Variants in IVNS1ABP observed in about 807,000 individuals in gnomAD.
The protein encoded by IVNS1ABP is influenza virus NS1A-binding protein.
In IVNS1ABP, 25 loss-of-function variants were observed where a neutral mutation model predicts 78.9. The observed-to-expected ratio is 0.32, with a 90% CI of 0.23 to 0.44. The LOEUF is 0.44. Ranked by LOEUF, IVNS1ABP falls within the 20% of genes least tolerant of loss-of-function variation. The pLI, the probability that IVNS1ABP is intolerant of heterozygous loss-of-function variation, is 1.00. For missense variants in IVNS1ABP, 494 were observed against 768.9 expected (o/e 0.64, Z 4.23); for synonymous variants, 241 against 259.7 (o/e 0.93, Z 0.69).
In IVNS1ABP at chr1:185,300,515, A is replaced by AT; in HGVS notation, c.1163dup (p.Tyr388Ter). The change falls in exon 11 of 15, where the codon TAT (tyrosine) becomes TAAT (stop). Residue 388 changes from tyrosine to a stop codon, truncating the protein, a stop_gained and frameshift_variant. Transcript: ENST00000367498. LOFTEE classifies it high-confidence loss of function. ...AGGACCAGTGATCTGTATGTGGATTATAGCATTCGACTGTTCGAAGACATT... is the reference window on the plus strand; with the variant it reads ...AGGACCAGTGATCTGTATGTGGATTATTAGCATTCGACTGTTCGAAGACATT... ...REECLRTVECYNPHTDHWSFL... is the reference protein window; with the variant it reads ...REECLRTVEC The AT allele has an allele frequency of 6.2e-7, 1 of 1,613,542 alleles. No homozygotes were observed. Among genetic ancestry groups the AT allele is most frequent in the Non-Finnish European group, 8.5e-7 (1 of 1,179,572 alleles).
chr1:185,307,685 G>A, intron 5 of IVNS1ABP, 23 bp from the exon 6 acceptor site: 4 of 1,596,964 alleles, frequency 2.5e-6, no homozygotes, highest in Non-Finnish European at 3.4e-6. Context: ...ATATATGAGT[G>A]CCAACACTTA....
At chr1:185,316,420 C>T (rs1235398056) in intron 1 of IVNS1ABP, among the ~76,000 whole-genome samples, 1 of 152,204 alleles carries the variant, frequency 6.6e-6, no homozygotes, top group Non-Finnish European at 1.5e-5. Flanking sequence ...TCGGGGACTC[C>T]GTGCCACCCT....
intron 13 of IVNS1ABP, 42 bp downstream of exon 13, chr1:185,299,957 T>G (rs1430526244): frequency 6.2e-7 from 1 of 1,609,972 alleles, no homozygotes; most frequent in Non-Finnish European, 8.5e-7. Context: ...TACTGTTGAT[T>G]TGAAGGTCTT....
At chr1:185,301,679 G>GTGA in intron 8 of IVNS1ABP, 116 bp from the exon 9 acceptor site, 3 of 1,137,472 alleles carry the variant, frequency 2.6e-6, no homozygotes, top group Non-Finnish European at 3.8e-6. Flanking sequence ...ACATTTATAG[G>GTGA]ACACTAACTT....
In IVNS1ABP at chr1:185,309,000, T is replaced by C. The variant is rs757722459; in HGVS notation, c.281+3A>G. ...TTATATGGTTTACTTCAAATGTACT[T>C]ACTGAGCAGTGTAGGCATAATTCAA... On this transcript the variant is annotated splice_donor_region_variant and intron_variant, in intron 4 of 14. Coordinates refer to ENST00000367498, the MANE Select transcript of IVNS1ABP (RefSeq NM_006469.5). The C allele has an allele frequency of 2.5e-6, 4 of 1,604,504 alleles. No individual in the cohort carries two copies. The highest frequency in any genetic ancestry group is 1.7e-5 in the Admixed American group (1 of 58,456).
chr1:185,301,814 A>G, intron 8 of IVNS1ABP: 1 of 275,926 alleles, frequency 3.6e-6, no homozygotes. Flanking sequence ...TAACAATTTG[A>G]AAAACATGTT....
Position 185,298,895 on chromosome 1 carries a change from CAATT to C in IVNS1ABP, c.1676-611_1676-608del, listed in dbSNP as rs1321014311. ...TGGGCAACACAGTGAGACCATGTCTCAATTAAAAAAATAAAATGATTGTGGTACA... is the reference window on the plus strand; with the variant it reads ...TGGGCAACACAGTGAGACCATGTCTCAAAAAAATAAAATGATTGTGGTACA... On this transcript the variant is annotated intron_variant, in intron 14 of 14. Coordinates refer to ENST00000367498, the MANE Select transcript of IVNS1ABP (RefSeq NM_006469.5). This position sits in a 1 kb window ranked among gnomAD's most constrained non-coding sequence, Gnocchi z 4.1. The C allele has an allele frequency of 6.6e-6, 1 of 151,756 alleles. No individual in the cohort carries two copies. The highest frequency in any genetic ancestry group is 2.1e-4 in the South Asian group (1 of 4,820). The allele number at this position is 151,756 out of a possible 1,614,324, so 9.4% of individuals were successfully genotyped here. A position where few individuals can be genotyped will look rare whatever the true frequency, so the allele number is the denominator to read the frequency against.
Position 185,309,450 on chromosome 1 carries a change from A to G in IVNS1ABP, c.44T>C (p.Ile15Thr). ...GYLMFEDENF[I>T]ESSVAKLNAL... is the part of the protein sequence containing the mutation. ...ATTTAATTTGGCAACAGAAGACTCA[A>G]TAAAATTTTCATCCTCAAACATCAA... is the stretch of plus-strand genomic sequence containing the variant. The change falls in exon 3 of 15, where the codon ATT becomes ACT. Residue 15 changes from isoleucine (I) to threonine (T), a missense_variant. Physicochemically the swap from Ile to Thr is moderately conservative, Grantham distance 89. Transcript: ENST00000367498. 1 of 1,613,078 alleles carries G rather than the reference A, an allele frequency of 6.2e-7. No homozygotes were observed. Among genetic ancestry groups the G allele is most frequent in the Non-Finnish European group, 8.5e-7 (1 of 1,179,210 alleles).
Position 185,301,488 on chromosome 1 carries a change from T to C in IVNS1ABP, c.841A>G (p.Thr281Ala), listed in dbSNP as rs766717909. 4 of 1,613,304 alleles carry C rather than the reference T, an allele frequency of 2.5e-6. No homozygotes were observed. Among genetic ancestry groups the C allele is most frequent in the Middle Eastern group, 3.3e-4 (2 of 6,056 alleles). Residue 281 changes from threonine to alanine, a missense_variant, in exon 9 of 15, where the codon ACA becomes GCA. Thr to Ala is a moderately conservative substitution (Grantham distance 58). Transcript: ENST00000367498. The stretch of plus-strand genomic sequence containing the variant: ...CACTCATGCTTAGGGCTTTGTACTG[T>C]AGCATTTGGAGAAGAGAGACATCCA... The part of the protein sequence containing the change: ...STGCLSSPNA[T>A]VQSPKHEWKI...
intron 3 of IVNS1ABP, 95 bp from the exon 4 acceptor site, chr1:185,309,267 T>A: frequency 1.6e-6 from 2 of 1,223,570 alleles, no homozygotes; most frequent in Non-Finnish European, 1.1e-6. Context: ...CATTTCTCAG[T>A]ATTCTTTTAA....
rs745631479 is a variant in IVNS1ABP at position 185,301,416 on chromosome 1, C to A, written c.895+18G>T. 3 of 1,612,368 alleles carry A rather than the reference C, an allele frequency of 1.9e-6. No individual in the cohort carries two copies. In the South Asian group the frequency reaches 3.3e-5, roughly 18 times the overall value. Reference sequence around the variant, plus strand: ...AATAGGTAAGCTGAAAACAATCTGGCAAGTGTCATATACTTACTTGAAGTC... The same window carrying A: ...AATAGGTAAGCTGAAAACAATCTGGAAAGTGTCATATACTTACTTGAAGTC... On this transcript the variant is annotated intron_variant, in intron 9 of 14. Transcript: ENST00000367498.
In IVNS1ABP at chr1:185,307,666, G is replaced by T; in HGVS notation, c.358-4C>A. On this transcript the variant is annotated splice_region_variant and splice_polypyrimidine_tract_variant and intron_variant, in intron 5 of 14. Coordinates refer to ENST00000367498, the MANE Select transcript of IVNS1ABP (RefSeq NM_006469.5). ...ACAGTAAATAATCACCACAAACCTT[G>T]GAAAAGAAATATATGAGTGCCAACA... 1 of 1,610,108 alleles carries T rather than the reference G, an allele frequency of 6.2e-7. No individual in the cohort carries two copies. Among genetic ancestry groups the T allele is most frequent in the Non-Finnish European group, 8.5e-7 (1 of 1,177,992 alleles).
At chr1:185,311,948 C>G (rs1466006381) in intron 1 of IVNS1ABP, among the ~76,000 whole-genome samples, 1 of 152,168 alleles carries the variant, frequency 6.6e-6, no homozygotes, top group Non-Finnish European at 1.5e-5. Context: ...TCCAGCTGGT[C>G]TGTTTCATGC....
At chr1:185,309,575 T>G in intron 2 of IVNS1ABP, 64 bp from the exon 3 acceptor site, 1 of 799,782 alleles carries the variant, frequency 1.3e-6, no homozygotes, top group Non-Finnish European at 2.2e-6. Flanking sequence ...AATATAATGC[T>G]AAAGAGTAAT....
At position 185,299,647 on chromosome 1, in the gene IVNS1ABP, CAG is replaced by C. The variant is rs755815875; in HGVS notation, c.1675+61_1675+62del. On this transcript the variant is annotated intron_variant, in intron 14 of 14. Coordinates refer to ENST00000367498, the MANE Select transcript of IVNS1ABP (RefSeq NM_006469.5). ...AACTATAGTCATTGGCCTTTTCTCT[CAG>C]AGTTTTAGAACAAAGTCTTGCCACT... The C allele has an allele frequency of 3.3e-6, 5 of 1,513,708 alleles. No homozygotes were observed. The South Asian group carries it at 5.6e-5, about 17-fold the overall frequency. 93.8% of individuals were successfully genotyped at this position (1,513,708 alleles called of 1,614,324 possible).
At chr1:185,300,594 A>G in intron 10 of IVNS1ABP, 36 bp from the exon 11 acceptor site, 3 of 1,604,552 alleles carry the variant, frequency 1.9e-6, no homozygotes, top group Non-Finnish European at 1.7e-6. Flanking sequence ...TTTATGTTTA[A>G]AATATTAAAC....
chr1:185,305,515 C>T lies in IVNS1ABP; in HGVS notation c.765+21G>A. 1.2e-6 allele frequency: 2 copies of T among 1,611,148 alleles called. No homozygotes were observed. The highest frequency in any genetic ancestry group is 1.7e-6 in the Non-Finnish European group (2 of 1,178,542). On this transcript the variant is annotated intron_variant, in intron 8 of 14. Coordinates refer to ENST00000367498, the MANE Select transcript of IVNS1ABP (RefSeq NM_006469.5). This position sits in a 1 kb window ranked among gnomAD's most constrained non-coding sequence, Gnocchi z 4.0. ...TAGTCAAATTTTAACCTGAGGTTAC[C>T]TCAGACTGTGCAATGTGTACCTGCA...
In IVNS1ABP at chr1:185,300,828, G is replaced by T. The variant is rs1203581724; in HGVS notation, c.1120+144C>A. 5.7e-6 allele frequency: 4 copies of T among 699,894 alleles called. No homozygotes were observed. The African/African-American group carries it at 7.2e-5, about 13-fold the overall frequency. The allele number at this position is 699,894 out of a possible 1,614,324, so 43.4% of individuals were successfully genotyped here. Reference sequence around the variant, plus strand: ...ATTAGATACAGACATTGAACTGAAGGTTAGCCATATTCAATAGTATTGTTA... The same window carrying T: ...ATTAGATACAGACATTGAACTGAAGTTTAGCCATATTCAATAGTATTGTTA... On this transcript the variant is annotated intron_variant, in intron 10 of 14. Coordinates refer to ENST00000367498, the MANE Select transcript of IVNS1ABP (RefSeq NM_006469.5).
chr1:185,300,907 G>C, intron 10 of IVNS1ABP, 65 bp downstream of exon 10: 1 of 1,262,272 alleles, frequency 7.9e-7, no homozygotes, highest in Middle Eastern at 1.9e-4. Flanking sequence ...CCCTCTCTTT[G>C]AAAGTTTGCA....
Sources: allele counts gnomAD v4.1 joint callset (sites outside exome capture counted in the v4.1 genomes callset), GRCh38; gene constraint gnomAD v4.1.1; non-coding constraint Gnocchi (gnomAD v3.1); transcripts MANE v1.5; gene names NCBI Gene and HGNC (gene_info 2026-07-23, HGNC 2026-07-21).